DPP10: variants seen among roughly 807,000 people sequenced by gnomAD.
DPP10 encodes dipeptidyl peptidase like 10, also known as inactive dipeptidyl peptidase 10.
In DPP10, 33 loss-of-function variants were observed where a neutral mutation model predicts 120.9. The observed-to-expected ratio is 0.27, with a 90% CI of 0.21 to 0.37. DPP10 has a LOEUF of 0.37. Ranked by LOEUF, DPP10 falls within the 10% of genes least tolerant of loss-of-function variation. DPP10 has a pLI of 1.00. For synonymous variants in DPP10, 337 were observed against 326.1 expected (o/e 1.03, Z -0.36); for missense variants, 816 against 942.8 (o/e 0.87, Z 1.76).
intron 1 of DPP10, among the ~76,000 whole-genome samples, chr2:114,575,734 G>A (rs1182263164): frequency 6.6e-6 from 1 of 152,132 alleles, no homozygotes; most frequent in Non-Finnish European, 1.5e-5. Context: ...TGGGGTGGTA[G>A]TCTTCTGAGA....
At chr2:115,504,274 A>AC (rs1168294190) in intron 4 of DPP10, among the ~76,000 whole-genome samples, 32 of 74,166 alleles carry the variant, frequency 4.3e-4, no homozygotes, top group African/African-American at 1.6e-3. Context: ...GCTATTGCCA[A>AC]CTTTTTTTTT....
In DPP10 at chr2:114,695,009, G is replaced by A. The variant is rs550175093; in HGVS notation, c.60+252171G>A. On this transcript the variant is annotated intron_variant, in intron 1 of 25. Transcript: ENST00000410059. ...TAGAAGTTAAGAAGGGTCAGCTCACGGAGGACCTTGCCTAGTTATGCTGAT... is the reference window on the plus strand; with the variant it reads ...TAGAAGTTAAGAAGGGTCAGCTCACAGAGGACCTTGCCTAGTTATGCTGAT... Among the ~76,000 whole-genome samples the A allele has an allele frequency of 3.2e-4, 48 of 152,116 alleles. 1 individual carries two copies. Among genetic ancestry groups the A allele is most frequent in the African/African-American group, 8.9e-4 (37 of 41,540 alleles).
chr2:114,482,287 G>A (rs1269692545), intron 1 of DPP10, among the ~76,000 whole-genome samples: 1 of 152,146 alleles, frequency 6.6e-6, no homozygotes, highest in Non-Finnish European at 1.5e-5. Context: ...CAGAGAAAGT[G>A]AATGTGGTGA....
chr2:114,586,178 G>T (rs1395278095), intron 1 of DPP10, among the ~76,000 whole-genome samples: 3 of 152,170 alleles, frequency 2.0e-5, no homozygotes, highest in African/African-American at 7.2e-5. Context: ...TGAGCCTGGG[G>T]AGGTCGAGGC....
At chr2:114,563,146 G>T (rs908677526) in intron 1 of DPP10, among the ~76,000 whole-genome samples, 1 of 152,330 alleles carries the variant, frequency 6.6e-6, no homozygotes, top group Non-Finnish European at 1.5e-5. Flanking sequence ...GGCCAAGGCG[G>T]GCGGATCATA....
At chr2:114,800,236 G>A (rs555638420) in intron 1 of DPP10, among the ~76,000 whole-genome samples, 1 of 152,030 alleles carries the variant, frequency 6.6e-6, no homozygotes, top group Non-Finnish European at 1.5e-5. Context: ...AATTAAGGTG[G>A]GATTAAAAGA....
intron 19 of DPP10, among the ~76,000 whole-genome samples, chr2:115,813,452 C>T (rs566298314): frequency 6.6e-6 from 1 of 152,174 alleles, no homozygotes; most frequent in South Asian, 2.1e-4. Flanking sequence ...TAATGGGCAC[C>T]AGTCAGATTG....
At chr2:115,390,626 G>C (rs2067255591) in intron 3 of DPP10, among the ~76,000 whole-genome samples, 1 of 152,012 alleles carries the variant, frequency 6.6e-6, no homozygotes, top group African/African-American at 2.4e-5. Flanking sequence ...TTAACGTTGA[G>C]AGAGAAATGA....
At chr2:115,022,640 G>GA (rs1298180871) in intron 1 of DPP10, among the ~76,000 whole-genome samples, 2 of 151,774 alleles carry the variant, frequency 1.3e-5, no homozygotes, top group East Asian at 3.9e-4. Context: ...CACAGAACTA[G>GA]AAAAAACAAC....
intron 1 of DPP10, among the ~76,000 whole-genome samples, chr2:114,699,003 T>C (rs1232534032): frequency 6.6e-6 from 1 of 152,134 alleles, no homozygotes; most frequent in African/African-American, 2.4e-5. Flanking sequence ...TTATGCTTTA[T>C]AGAAAAGTAC....
At chr2:115,418,560 C>T (rs937819905) in intron 3 of DPP10, among the ~76,000 whole-genome samples, 7 of 152,082 alleles carry the variant, frequency 4.6e-5, no homozygotes, top group African/African-American at 1.4e-4. Flanking sequence ...TGCTTGAGCC[C>T]AGGAGCTCAG....
chr2:115,159,725 C>G (rs545987860), intron 1 of DPP10, among the ~76,000 whole-genome samples: 1 of 152,070 alleles, frequency 6.6e-6, no homozygotes, highest in Non-Finnish European at 1.5e-5. Context: ...AAAAAATTCA[C>G]GCACACATAC....
chr2:115,433,745 A>G (rs1415883992), intron 3 of DPP10, among the ~76,000 whole-genome samples: 2 of 151,992 alleles, frequency 1.3e-5, no homozygotes, highest in South Asian at 2.1e-4. Flanking sequence ...TAAAAACTCC[A>G]TTTATTTCCT....
intron 1 of DPP10, among the ~76,000 whole-genome samples, chr2:114,596,937 G>A (rs963271198): frequency 6.6e-6 from 1 of 152,004 alleles, no homozygotes; most frequent in Non-Finnish European, 1.5e-5. Flanking sequence ...CATTGTCCTA[G>A]TTACTGGGGT....
chr2:115,078,516 A>T (rs1242290046), intron 1 of DPP10, among the ~76,000 whole-genome samples: 1 of 152,236 alleles, frequency 6.6e-6, no homozygotes, highest in Non-Finnish European at 1.5e-5. Flanking sequence ...ACTAAAATGT[A>T]GGCAGGTGTA....
chr2:115,421,077 G>A (rs1032699777), intron 3 of DPP10, among the ~76,000 whole-genome samples: 1 of 151,612 alleles, frequency 6.6e-6, no homozygotes, highest in Non-Finnish European at 1.5e-5. Context: ...CTGTAGTGTA[G>A]TGGCCCTATT....
At chr2:114,597,602 T>A (rs951305017) in intron 1 of DPP10, among the ~76,000 whole-genome samples, 1 of 152,018 alleles carries the variant, frequency 6.6e-6, no homozygotes, top group Admixed American at 6.6e-5. Flanking sequence ...TAAAATTTTG[T>A]TCAACGTTTC....
chr2:114,626,612 A>T (rs1334013085), intron 1 of DPP10, among the ~76,000 whole-genome samples: 1 of 152,080 alleles, frequency 6.6e-6, no homozygotes, highest in East Asian at 1.9e-4. Flanking sequence ...CCCATCTAGA[A>T]GCAGATCTAG....
chr2:115,814,469 A>G (rs989149509), intron 19 of DPP10, among the ~76,000 whole-genome samples: 1 of 152,198 alleles, frequency 6.6e-6, no homozygotes, highest in African/African-American at 2.4e-5. Flanking sequence ...CTTGACAGTC[A>G]TTCTTTAGAA....
Sources: allele counts gnomAD v4.1 joint callset (sites outside exome capture counted in the v4.1 genomes callset), GRCh38; gene constraint gnomAD v4.1.1; transcripts MANE v1.5; gene names NCBI Gene and HGNC (gene_info 2026-07-23, HGNC 2026-07-21).